Variants in CFAP299 observed in about 807,000 individuals in gnomAD.
CFAP299 encodes cilia and flagella associated protein 299.
CFAP299 carries 21 observed loss-of-function variants against 27.0 expected under a neutral mutation model. That is an observed-to-expected ratio of 0.78 (90% CI 0.55 to 1.12). The LOEUF is 1.12. CFAP299 is among the 50% of genes most tolerant of loss of function. The pLI, the probability that CFAP299 is intolerant of heterozygous loss-of-function variation, is 0.00. For synonymous variants in CFAP299, 104 were observed against 98.1 expected (o/e 1.06, Z -0.36); for missense variants, 310 against 276.6 (o/e 1.12, Z -0.86).
intron 4 of CFAP299, among the ~76,000 whole-genome samples, chr4:80,902,803 T>G (rs1734995947): frequency 1.3e-5 from 2 of 151,798 alleles, no homozygotes; most frequent in Admixed American, 1.3e-4. Flanking sequence ...TCCAATTGGT[T>G]TTATAACTGT....
intron 2 of CFAP299, among the ~76,000 whole-genome samples, chr4:80,561,232 G>A (rs951753086): frequency 6.6e-6 from 1 of 152,158 alleles, no homozygotes; most frequent in Non-Finnish European, 1.5e-5. Flanking sequence ...ACCTCTATGA[G>A]CCTGAAAGAA....
At chr4:80,884,125 A>G (rs1733853992) in intron 4 of CFAP299, among the ~76,000 whole-genome samples, 5 of 152,180 alleles carry the variant, frequency 3.3e-5, no homozygotes, top group Non-Finnish European at 2.9e-5. Flanking sequence ...GCAATTCTCC[A>G]CTTTCAACAA....
intron 3 of CFAP299, among the ~76,000 whole-genome samples, chr4:80,627,340 G>A (rs1035870679): frequency 6.6e-6 from 1 of 151,870 alleles, no homozygotes; most frequent in Non-Finnish European, 1.5e-5. Context: ...TAGAAGGAAT[G>A]TACTTCAACA....
chr4:80,706,969 A>G (rs1232411249), intron 3 of CFAP299, among the ~76,000 whole-genome samples: 5 of 152,010 alleles, frequency 3.3e-5, no homozygotes, highest in Admixed American at 3.3e-4. Context: ...TTCATGAATC[A>G]CACAATAGGG....
At chr4:80,801,350 T>A (rs1166188606) in intron 3 of CFAP299, among the ~76,000 whole-genome samples, 1 of 151,982 alleles carries the variant, frequency 6.6e-6, no homozygotes, top group Non-Finnish European at 1.5e-5. Flanking sequence ...GACACAAATA[T>A]AATGATGTAT....
intron 3 of CFAP299, among the ~76,000 whole-genome samples, chr4:80,763,063 G>A (rs372464877): frequency 2.0e-5 from 3 of 152,082 alleles, no homozygotes; most frequent in African/African-American, 7.2e-5. Flanking sequence ...TCTATGATAT[G>A]TACCCTCTGT....
Position 80,800,405 on chromosome 4 carries a change from AT to A in CFAP299, c.334-69586del, listed in dbSNP as rs1239347277. Among the ~76,000 whole-genome samples, 5 of 62,190 alleles carry A rather than the reference AT, an allele frequency of 8.0e-5. 1 individual carries two copies. Among genetic ancestry groups the A allele is most frequent in the African/African-American group, 2.3e-4 (3 of 13,192 alleles). The allele number at this position is 62,190 out of a possible 152,430, so 40.8% of individuals were successfully genotyped here. ...TATATAATATATTAATATAATATATATTGATATATTAATATAATATATATAA... is the reference window on the plus strand; with the variant it reads ...TATATAATATATTAATATAATATATATGATATATTAATATAATATATATAA... On this transcript the variant is annotated intron_variant, in intron 3 of 5. Transcript: ENST00000358105.
chr4:80,761,089 C>T lies in CFAP299; in HGVS notation c.334-108904C>T, dbSNP rs571150316. On this transcript the variant is annotated intron_variant, in intron 3 of 5. Transcript: ENST00000358105. ...CCTGCTCCAATACTCATTTTGATAG[C>T]AATTCAGTCATTCAAAAAGACATGC... Among the ~76,000 whole-genome samples, 20 of 152,232 alleles carry T rather than the reference C, an allele frequency of 1.3e-4. No homozygotes were observed. In the East Asian group the frequency reaches 3.9e-3, roughly 29 times the overall value.
At chr4:80,373,675 A>C (rs1724263881) in intron 2 of CFAP299, among the ~76,000 whole-genome samples, 1 of 152,280 alleles carries the variant, frequency 6.6e-6, no homozygotes, top group South Asian at 2.1e-4. Flanking sequence ...CATTGGGCAC[A>C]TTACATCATT....
chr4:80,855,133 G>T (rs1578185483), intron 3 of CFAP299, among the ~76,000 whole-genome samples: 1 of 152,030 alleles, frequency 6.6e-6, no homozygotes. Flanking sequence ...TTGGAATTGT[G>T]CAGTCAAAGA....
At chr4:80,698,612 T>A (rs1208141697) in intron 3 of CFAP299, among the ~76,000 whole-genome samples, 1 of 152,216 alleles carries the variant, frequency 6.6e-6, no homozygotes, top group Non-Finnish European at 1.5e-5. Flanking sequence ...AGTATATTAA[T>A]CTATTCTTGT....
At chr4:80,743,544 T>C (rs1724407023) in intron 3 of CFAP299, among the ~76,000 whole-genome samples, 1 of 152,198 alleles carries the variant, frequency 6.6e-6, no homozygotes, top group Non-Finnish European at 1.5e-5. Flanking sequence ...GACTTGGTTT[T>C]CACACACTAG....
At chr4:80,411,762 T>C in intron 2 of CFAP299, among the ~76,000 whole-genome samples, 1 of 152,166 alleles carries the variant, frequency 6.6e-6, no homozygotes, top group East Asian at 1.9e-4. Context: ...TAGGATAAGA[T>C]TTCTCTTTGC....
chr4:80,377,055 T>G (rs1724449453), intron 2 of CFAP299, among the ~76,000 whole-genome samples: 1 of 152,220 alleles, frequency 6.6e-6, no homozygotes, highest in Non-Finnish European at 1.5e-5. Flanking sequence ...TTTTTCAACA[T>G]CTGTACCTTG....
At chr4:80,374,371 A>G (rs937294041) in intron 2 of CFAP299, among the ~76,000 whole-genome samples, 10 of 152,216 alleles carry the variant, frequency 6.6e-5, no homozygotes, top group African/African-American at 2.2e-4. Flanking sequence ...CCTGGTGGCC[A>G]GAAGTGTAAC....
rs999022144 is a variant in CFAP299 at position 80,772,101 on chromosome 4, G to A, written c.334-97892G>A. ...TTATTCCTGGCTGAGTAGAGGCAGG[G>A]GAATAATAATACAGGATTCAAAAAT... On this transcript the variant is annotated intron_variant, in intron 3 of 5. Transcript: ENST00000358105. 4.6e-5 allele frequency among the ~76,000 whole-genome samples: 7 copies of A among 152,178 alleles called. No individual in the cohort carries two copies. The East Asian group carries it at 1.4e-3, about 29-fold the overall frequency.
intron 3 of CFAP299, among the ~76,000 whole-genome samples, chr4:80,648,602 C>A (rs1334369338): frequency 6.6e-6 from 1 of 152,036 alleles, no homozygotes; most frequent in Non-Finnish European, 1.5e-5. Context: ...TTACTATTTG[C>A]AATTTCATTG....
intron 3 of CFAP299, among the ~76,000 whole-genome samples, chr4:80,669,149 CTTTTTTTTTTTT>C (rs869091451): frequency 2.3e-4 from 4 of 17,152 alleles, no homozygotes; most frequent in Admixed American, 7.5e-4. Context: ...TTCTTTCTTT[CTTTTTTTTTTTT>C]TTTTTTTTTT....
chr4:80,760,206 T>A (rs942267366), intron 3 of CFAP299, among the ~76,000 whole-genome samples: 1 of 152,144 alleles, frequency 6.6e-6, no homozygotes, highest in Non-Finnish European at 1.5e-5. Flanking sequence ...TGAAATAATA[T>A]GAAAGAGAAA....
Sources: gnomAD v4.1 joint callset for allele counts (sites outside exome capture counted in the v4.1 genomes callset) on GRCh38, gnomAD v4.1.1 for gene constraint, MANE v1.5 for transcripts, NCBI Gene and HGNC (gene_info 2026-07-23, HGNC 2026-07-21) for gene names.